Variants in GPC5 observed in about 807,000 individuals in gnomAD.
GPC5 encodes the protein glypican-5.
In GPC5, 47 loss-of-function variants were observed where a neutral mutation model predicts 53.9. That is an observed-to-expected ratio of 0.87 (90% confidence interval 0.69 to 1.11). The LOEUF is 1.11. Among genes scored for constraint, GPC5 ranks in the 50% most tolerant of loss-of-function variants. The pLI is 0.00. For missense variants in GPC5, 748 were observed against 713.1 expected (o/e 1.05, Z -0.56); for synonymous variants, 286 against 263.3 (o/e 1.09, Z -0.84).
intron 6 of GPC5, among the ~76,000 whole-genome samples, chr13:92,114,276 C>T (rs994894062): frequency 5.3e-5 from 8 of 152,152 alleles, no homozygotes; most frequent in African/African-American, 9.7e-5. Context: ...CCAGGGCCAG[C>T]GCCTTCACAC....
intron 7 of GPC5, among the ~76,000 whole-genome samples, chr13:92,683,580 A>G (rs1323332506): frequency 6.6e-6 from 1 of 152,220 alleles, no homozygotes; most frequent in Non-Finnish European, 1.5e-5. Context: ...AAAGTGTTAT[A>G]AATAATTCAT....
At chr13:91,585,643 A>G (rs1444301725) in intron 2 of GPC5, among the ~76,000 whole-genome samples, 6 of 152,208 alleles carry the variant, frequency 3.9e-5, no homozygotes, top group Non-Finnish European at 8.8e-5. Context: ...TGGAGGGAGC[A>G]GCTGCAAGAA....
intron 1 of GPC5, among the ~76,000 whole-genome samples, chr13:91,434,933 T>A (rs1879794836): frequency 6.6e-6 from 1 of 152,184 alleles, no homozygotes; most frequent in Admixed American, 6.5e-5. Context: ...CTAGGTATTT[T>A]ATTCTCTTTG....
intron 2 of GPC5, among the ~76,000 whole-genome samples, chr13:91,465,535 T>C (rs1249544394): frequency 6.6e-6 from 1 of 152,160 alleles, no homozygotes; most frequent in African/African-American, 2.4e-5. Context: ...ACATTTGAAA[T>C]TGTTGACACC....
intron 2 of GPC5, among the ~76,000 whole-genome samples, chr13:91,642,207 T>G (rs1296534308): frequency 6.6e-6 from 1 of 152,232 alleles, no homozygotes; most frequent in East Asian, 1.9e-4. Flanking sequence ...CTTCAAGGAA[T>G]GCAGGCTCTT....
chr13:91,944,173 G>A (rs1039584200), intron 6 of GPC5, among the ~76,000 whole-genome samples: 1 of 151,746 alleles, frequency 6.6e-6, no homozygotes, highest in African/African-American at 2.4e-5. Context: ...TCAGCTCACT[G>A]CAAGCTCCGC....
intron 7 of GPC5, among the ~76,000 whole-genome samples, chr13:92,278,665 C>A (rs1384044272): frequency 6.6e-6 from 1 of 151,936 alleles, no homozygotes; most frequent in African/African-American, 2.4e-5. Context: ...TACTTTTAGA[C>A]CTTCATTTAG....
intron 7 of GPC5, among the ~76,000 whole-genome samples, chr13:92,568,186 AC>A (rs1233125954): frequency 6.6e-6 from 1 of 152,126 alleles, no homozygotes; most frequent in Admixed American, 6.6e-5. Context: ...TGTTCAACTT[AC>A]TACTATTATT....
intron 7 of GPC5, among the ~76,000 whole-genome samples, chr13:92,444,010 G>A (rs1877690008): frequency 6.6e-6 from 1 of 152,142 alleles, no homozygotes; most frequent in Admixed American, 6.6e-5. Context: ...CTGGAATGTA[G>A]GATTGCCAAT....
At chr13:91,761,964 G>A (rs1041240463) in intron 5 of GPC5, among the ~76,000 whole-genome samples, 2 of 152,152 alleles carry the variant, frequency 1.3e-5, no homozygotes, top group Non-Finnish European at 2.9e-5. Flanking sequence ...CATACAAAAA[G>A]CACTTTGGAG....
At chr13:92,077,960 AATAG>A (rs766170123) in intron 6 of GPC5, among the ~76,000 whole-genome samples, 2 of 147,592 alleles carry the variant, frequency 1.4e-5, no homozygotes, top group African/African-American at 2.4e-5. Context: ...TGAGATAGAT[AATAG>A]ATAGGCAGAT....
intron 4 of GPC5, among the ~76,000 whole-genome samples, chr13:91,741,968 T>C (rs754050897): frequency 6.6e-6 from 1 of 152,132 alleles, no homozygotes; most frequent in South Asian, 2.1e-4. Flanking sequence ...CCTGTAAACT[T>C]AACTTGTGAA....
At chr13:92,297,585 T>G (rs2043045735) in intron 7 of GPC5, among the ~76,000 whole-genome samples, 1 of 152,096 alleles carries the variant, frequency 6.6e-6, no homozygotes, top group South Asian at 2.1e-4. Flanking sequence ...GGTGGGGCCT[T>G]GGAGAACCTG....
chr13:91,999,686 A>G (rs2040537388), intron 6 of GPC5, among the ~76,000 whole-genome samples: 1 of 152,220 alleles, frequency 6.6e-6, no homozygotes, highest in South Asian at 2.1e-4. Context: ...TCGAGTAATA[A>G]TGACTTGTTT....
intron 7 of GPC5, among the ~76,000 whole-genome samples, chr13:92,742,011 T>A (rs1410933248): frequency 2.0e-5 from 3 of 151,838 alleles, no homozygotes; most frequent in South Asian, 2.1e-4. Flanking sequence ...TGGTTCCAAG[T>A]CTTTGCTATT....
chr13:92,635,233 G>A (rs531013637), intron 7 of GPC5, among the ~76,000 whole-genome samples: 56 of 152,028 alleles, frequency 3.7e-4, no homozygotes, highest in Non-Finnish European at 7.1e-4. Flanking sequence ...TTGATATTTC[G>A]TAAACAGAGT....
chr13:92,194,027 A>G (rs1215787417), intron 7 of GPC5, among the ~76,000 whole-genome samples: 2 of 152,226 alleles, frequency 1.3e-5, no homozygotes, highest in African/African-American at 2.4e-5. Flanking sequence ...GAAACTCAAC[A>G]GTAACTTAAT....
At chr13:91,445,700 C>T (rs531182354) in intron 1 of GPC5, among the ~76,000 whole-genome samples, 16 of 152,258 alleles carry the variant, frequency 1.1e-4, no homozygotes, top group South Asian at 4.1e-4. Flanking sequence ...GTCTCGAACT[C>T]CTGACCTCAA....
chr13:91,458,120 G>A (rs1470407280), intron 2 of GPC5, among the ~76,000 whole-genome samples: 1 of 152,086 alleles, frequency 6.6e-6, no homozygotes, highest in Non-Finnish European at 1.5e-5. Context: ...AAAATTTGAA[G>A]AGAGTGAAGG....
Sources: gnomAD v4.1 joint callset for allele counts (sites outside exome capture counted in the v4.1 genomes callset) on GRCh38, gnomAD v4.1.1 for gene constraint, MANE v1.5 for transcripts, NCBI Gene and HGNC (gene_info 2026-07-23, HGNC 2026-07-21) for gene names.